The following NIPBL variants were observed in gnomAD, a reference collection of about 807,000 sequenced individuals.
The protein encoded by NIPBL is nipped-B-like protein.
Under a neutral mutation model 321.8 loss-of-function variants are expected in NIPBL, and 19 were observed. That is an observed-to-expected ratio of 0.06 (90% CI 0.04 to 0.09). The LOEUF (loss-of-function observed/expected upper bound fraction) is 0.09. Among genes scored for constraint, NIPBL ranks in the 10% least tolerant of loss-of-function variants. NIPBL has a pLI of 1.00. For synonymous variants in NIPBL, 1,106 were observed against 1,114.1 expected, an observed-to-expected ratio of 0.99 and a Z score of 0.14; for missense variants, 2,210 against 3,327.0, an observed-to-expected ratio of 0.66 and a Z score of 8.26.
intron 1 of NIPBL, among the ~76,000 whole-genome samples, chr5:36,912,144 A>G (rs879266382): frequency 3.3e-5 from 5 of 152,206 alleles, no homozygotes; most frequent in Non-Finnish European, 5.9e-5. Flanking sequence ...GAGGCAGTAT[A>G]GTAGGATAAA....
intron 1 of NIPBL, among the ~76,000 whole-genome samples, chr5:36,891,363 C>G (rs1052165585): frequency 6.6e-6 from 1 of 152,180 alleles, no homozygotes; most frequent in Non-Finnish European, 1.5e-5. Context: ...GTTACAATAT[C>G]TAAGTGCTAT....
At chr5:36,886,246 G>T in intron 1 of NIPBL, 1 of 664,660 alleles carries the variant, frequency 1.5e-6, no homozygotes, top group Non-Finnish European at 2.8e-6. Context: ...CCTGGAGTCA[G>T]AGCTGGCACA....
At chr5:37,049,378 A>G in intron 40 of NIPBL, 77 bp downstream of exon 40, 1 of 1,458,438 alleles carries the variant, frequency 6.9e-7, no homozygotes, top group East Asian at 2.3e-5. Context: ...GATTATAGAG[A>G]ATAAGTAGTT....
chr5:36,990,544 C>A lies in NIPBL; in HGVS notation c.3121+4243C>A, dbSNP rs1299956401. Among the ~76,000 whole-genome samples the A allele has an allele frequency of 1.1e-4, 16 of 152,104 alleles. 1 individual carries two copies. The highest frequency in any genetic ancestry group is 1.0e-3 in the Admixed American group (16 of 15,272). The stretch of plus-strand genomic sequence containing the variant: ...TTGTACAGTTTTATAAAATACCTTT[C>A]TTAAAAACTCAAATTTTCAGTTTCT... On this transcript the variant is annotated intron_variant, in intron 10 of 46. Coordinates refer to ENST00000282516, the MANE Select transcript of NIPBL (RefSeq NM_133433.4).
intron 1 of NIPBL, among the ~76,000 whole-genome samples, chr5:36,948,000 T>C (rs1335433622): frequency 6.6e-6 from 1 of 152,012 alleles, no homozygotes; most frequent in Non-Finnish European, 1.5e-5. Context: ...TAAGAATCTT[T>C]GCCATTCTTC....
At chr5:37,031,050 C>CT (rs1258808178) in intron 32 of NIPBL, among the ~76,000 whole-genome samples, 2 of 151,020 alleles carry the variant, frequency 1.3e-5, no homozygotes, top group Non-Finnish European at 2.9e-5. Flanking sequence ...GTGGCACGAT[C>CT]TCCGCTCACT....
intron 1 of NIPBL, among the ~76,000 whole-genome samples, chr5:36,933,955 C>T (rs1749973106): frequency 6.6e-6 from 1 of 151,860 alleles, no homozygotes; most frequent in Non-Finnish European, 1.5e-5. Flanking sequence ...ACTGATAGGT[C>T]TCTGTTAAAA....
Position 37,052,580 on chromosome 5 carries a change from CTTA to C in NIPBL, c.7263+20_7263+22del. On this transcript the variant is annotated intron_variant, in intron 42 of 46. Coordinates refer to ENST00000282516, the MANE Select transcript of NIPBL (RefSeq NM_133433.4). ...GATGACACAGCAGTAAGCACAAAAA[CTTA>C]TTATTTTAAGAAAATAAGTGCTCTA... 1.2e-6 allele frequency: 2 copies of C among 1,607,152 alleles called. No individual in the cohort carries two copies. The highest frequency in any genetic ancestry group is 1.1e-5 in the South Asian group (1 of 90,636).
chr5:36,956,142 A>C (rs1447974744), intron 3 of NIPBL, among the ~76,000 whole-genome samples: 2 of 151,952 alleles, frequency 1.3e-5, no homozygotes, highest in African/African-American at 4.8e-5. Flanking sequence ...GAGGCAGGAG[A>C]ATCACTTGAA....
intron 32 of NIPBL, among the ~76,000 whole-genome samples, chr5:37,032,611 CATAA>C (rs1751193670): frequency 6.6e-6 from 1 of 151,910 alleles, no homozygotes. Context: ...CTCTGAAAAA[CATAA>C]ATAAATAAAA....
intron 21 of NIPBL, among the ~76,000 whole-genome samples, chr5:37,014,242 G>A (rs1748652381): frequency 2.7e-5 from 4 of 146,772 alleles, no homozygotes; most frequent in Admixed American, 2.7e-4. Flanking sequence ...GGGAGAGGGA[G>A]AAGGAGAGGG....
At chr5:37,046,978 GA>G (rs1211099777) in intron 38 of NIPBL, among the ~76,000 whole-genome samples, 2 of 150,786 alleles carry the variant, frequency 1.3e-5, no homozygotes, top group South Asian at 2.1e-4. Context: ...AAAATACTGA[GA>G]AAAAAAAATT....
At chr5:36,995,286 C>G (rs1166118922) in intron 10 of NIPBL, 1 of 206,274 alleles carries the variant, frequency 4.8e-6, no homozygotes, top group Non-Finnish European at 9.7e-6. Context: ...TACCACAAAT[C>G]CACTTGCTAA....
At chr5:37,015,692 C>T (rs1370095715) in intron 22 of NIPBL, among the ~76,000 whole-genome samples, 1 of 152,086 alleles carries the variant, frequency 6.6e-6, no homozygotes, top group African/African-American at 2.4e-5. Context: ...GATCATGCCA[C>T]TGCACTCCAG....
chr5:36,934,759 T>C (rs951568834), intron 1 of NIPBL, among the ~76,000 whole-genome samples: 4 of 151,604 alleles, frequency 2.6e-5, no homozygotes, highest in African/African-American at 9.8e-5. Flanking sequence ...TATGAAGAAC[T>C]TTCAGAGGCC....
intron 8 of NIPBL, among the ~76,000 whole-genome samples, chr5:36,973,113 A>G (rs1433217750): frequency 6.6e-6 from 1 of 152,150 alleles, no homozygotes; most frequent in African/African-American, 2.4e-5. Context: ...AGCTTTAATT[A>G]TCAGTTTGTT....
chr5:36,897,888 G>GGGA (rs1554057577), intron 1 of NIPBL, among the ~76,000 whole-genome samples: 1 of 96,786 alleles, frequency 1.0e-5, no homozygotes, highest in Admixed American at 1.1e-4. Flanking sequence ...GTCATACAGG[G>GGGA]AAAAAAAAAA....
intron 9 of NIPBL, among the ~76,000 whole-genome samples, chr5:36,981,152 T>G (rs1396241567): frequency 6.6e-6 from 1 of 151,756 alleles, no homozygotes; most frequent in African/African-American, 2.4e-5. Context: ...ACTGGTGATA[T>G]GGAGCAGGCA....
rs150009723 is a variant in NIPBL at position 37,015,072 on chromosome 5, G to T, written c.4643+307G>T. On this transcript the variant is annotated intron_variant, in intron 22 of 46. Transcript: ENST00000282516. ...GTAAATTTTGGAGAATTTTCCTAGTGTACCTGAATAGGAAAGTTTGTGAAG... is the reference window on the plus strand; with the variant it reads ...GTAAATTTTGGAGAATTTTCCTAGTTTACCTGAATAGGAAAGTTTGTGAAG... Among the ~76,000 whole-genome samples, 862 of 151,432 alleles carry T rather than the reference G, an allele frequency of 5.7e-3. 32 individuals are homozygous for T. Among genetic ancestry groups the T allele is most frequent in the Admixed American group, 0.051 (775 of 15,186 alleles).
Sources: gnomAD v4.1 joint callset for allele counts (sites outside exome capture counted in the v4.1 genomes callset) on GRCh38, gnomAD v4.1.1 for gene constraint, MANE v1.5 for transcripts, NCBI Gene and HGNC (gene_info 2026-07-23, HGNC 2026-07-21) for gene names.